Variants in HS3ST5 observed in about 807,000 individuals in gnomAD.
HS3ST5 encodes heparan sulfate-glucosamine 3-sulfotransferase 5.
In HS3ST5, 10 loss-of-function variants were observed where a neutral mutation model predicts 25.4. The observed-to-expected ratio is 0.39, with a 90% confidence interval of 0.24 to 0.67. The LOEUF is 0.67. Ranked by LOEUF, HS3ST5 falls within the 30% of genes least tolerant of loss-of-function variation. HS3ST5 has a pLI of 0.44. For synonymous variants in HS3ST5, 170 were observed against 162.4 expected (o/e 1.05, Z -0.36); for missense variants, 324 against 420.7 (o/e 0.77, Z 2.01).
Position 114,308,376 on chromosome 6 carries a change from G to A in HS3ST5, c.-339+33819C>T, listed in dbSNP as rs183637286. Among the ~76,000 whole-genome samples the A allele has an allele frequency of 6.7e-3, 1,014 of 152,202 alleles. 11 individuals carry two copies. The highest frequency in any genetic ancestry group is 0.024 in the African/African-American group (983 of 41,540). Reference sequence around the variant, plus strand: ...CGAGGCGGGCAGATCACGAGGTCAGGAGATCGAGACCGTCATGGCTAACAC... The same window carrying A: ...CGAGGCGGGCAGATCACGAGGTCAGAAGATCGAGACCGTCATGGCTAACAC... On this transcript the variant is annotated intron_variant, in intron 1 of 4. Coordinates refer to ENST00000312719, the MANE Select transcript of HS3ST5 (RefSeq NM_153612.4).
intron 3 of HS3ST5, among the ~76,000 whole-genome samples, chr6:114,103,984 A>G (rs1201031901): frequency 6.6e-6 from 1 of 151,582 alleles, no homozygotes; most frequent in Non-Finnish European, 1.5e-5. Flanking sequence ...TACAGGCGTG[A>G]GCCACTGTGC....
At chr6:114,320,020 GATA>G (rs951864968) in intron 1 of HS3ST5, among the ~76,000 whole-genome samples, 3 of 151,408 alleles carry the variant, frequency 2.0e-5, no homozygotes, top group South Asian at 2.1e-4. Flanking sequence ...AAGAAATAAG[GATA>G]ATAATAATAA....
Position 114,336,607 on chromosome 6 carries a change from A to AAAT in HS3ST5, c.-339+5585_-339+5587dup, listed in dbSNP as rs747658514. Among the ~76,000 whole-genome samples the AAAT allele has an allele frequency of 7.7e-4, 117 of 151,970 alleles. 1 individual carries two copies. The highest frequency in any genetic ancestry group is 3.4e-3 in the Middle Eastern group (1 of 290). On this transcript the variant is annotated intron_variant, in intron 1 of 4. Transcript: ENST00000312719. ...GGGTGACAGAGCGTGAGTCCAACTC[A>AAAT]AATAATAATAATAATAATAATTAAT...
chr6:114,133,947 C>T (rs928129241), intron 3 of HS3ST5, among the ~76,000 whole-genome samples: 1 of 151,872 alleles, frequency 6.6e-6, no homozygotes, highest in Non-Finnish European at 1.5e-5. Context: ...ATGTGATAGA[C>T]ACCACAGAGT....
intron 1 of HS3ST5, among the ~76,000 whole-genome samples, chr6:114,267,541 G>A (rs982969317): frequency 6.6e-6 from 1 of 152,200 alleles, no homozygotes; most frequent in African/African-American, 2.4e-5. Context: ...AGAACACAAG[G>A]CACAAGCACC....
chr6:114,298,793 C>T (rs979210147), intron 1 of HS3ST5, among the ~76,000 whole-genome samples: 2 of 152,184 alleles, frequency 1.3e-5, no homozygotes, highest in South Asian at 2.1e-4. Context: ...GTGAAGATTT[C>T]GTGGACACTT....
At chr6:114,246,258 T>C (rs1445730734) in intron 1 of HS3ST5, among the ~76,000 whole-genome samples, 3 of 152,226 alleles carry the variant, frequency 2.0e-5, no homozygotes, top group East Asian at 1.9e-4. Flanking sequence ...CACAGAGCAA[T>C]GTTCCATGAA....
At chr6:114,237,116 C>G (rs745424891) in intron 1 of HS3ST5, among the ~76,000 whole-genome samples, 4 of 152,106 alleles carry the variant, frequency 2.6e-5, no homozygotes, top group African/African-American at 4.8e-5. Context: ...TTACAACAAT[C>G]AAAGACTAAT....
chr6:114,234,326 AT>A (rs1005033591), intron 1 of HS3ST5, among the ~76,000 whole-genome samples: 1 of 149,024 alleles, frequency 6.7e-6, no homozygotes, highest in African/African-American at 2.4e-5. Flanking sequence ...TAATATATAT[AT>A]ATATGAAAAA....
intron 3 of HS3ST5, among the ~76,000 whole-genome samples, chr6:114,162,037 T>C (rs550949606): frequency 1.3e-5 from 2 of 152,272 alleles, no homozygotes; most frequent in Non-Finnish European, 1.5e-5. Context: ...CATTTTTTAG[T>C]TGAATTTTCA....
intron 1 of HS3ST5, among the ~76,000 whole-genome samples, chr6:114,303,579 G>A (rs1775173201): frequency 6.6e-6 from 1 of 151,914 alleles, no homozygotes; most frequent in African/African-American, 2.4e-5. Context: ...GGCTCTGCAG[G>A]AAGAAGAAAG....
chr6:114,131,134 A>C (rs946111572), intron 3 of HS3ST5: 3 of 152,264 alleles, frequency 2.0e-5, no homozygotes, highest in Admixed American at 6.5e-5. Context: ...CTAACTTTGC[A>C]GATGCATCAA....
At chr6:114,206,655 G>T (rs1781287898) in intron 2 of HS3ST5, among the ~76,000 whole-genome samples, 1 of 151,918 alleles carries the variant, frequency 6.6e-6, no homozygotes, top group Admixed American at 6.6e-5. Context: ...ATACTGTGAG[G>T]GTTGAATAAG....
chr6:114,267,597 T>C (rs1448882605), intron 1 of HS3ST5, among the ~76,000 whole-genome samples: 1 of 147,362 alleles, frequency 6.8e-6, no homozygotes, highest in Non-Finnish European at 1.5e-5. Flanking sequence ...AGAGTTGGAG[T>C]ACTTACTTCT....
At chr6:114,084,336 A>T (rs1774646691) in intron 3 of HS3ST5, 1 of 760,868 alleles carries the variant, frequency 1.3e-6, no homozygotes, top group African/African-American at 1.7e-5. Context: ...CAGGCTGAGT[A>T]GCAGTGAACT....
chr6:114,115,432 A>G (rs544709003), intron 3 of HS3ST5, among the ~76,000 whole-genome samples: 2 of 152,230 alleles, frequency 1.3e-5, no homozygotes, highest in East Asian at 3.9e-4. Context: ...AGTCTCTGTT[A>G]GCTTGGTCTA....
intron 1 of HS3ST5, among the ~76,000 whole-genome samples, chr6:114,249,539 T>C (rs1000051471): frequency 2.0e-5 from 3 of 152,190 alleles, no homozygotes; most frequent in African/African-American, 7.2e-5. Flanking sequence ...GGAGCTAATT[T>C]CCTCAAGTGC....
At chr6:114,136,257 T>C (rs911398100) in intron 3 of HS3ST5, among the ~76,000 whole-genome samples, 4 of 152,172 alleles carry the variant, frequency 2.6e-5, no homozygotes, top group Admixed American at 2.6e-4. Flanking sequence ...GTGGGAGTAA[T>C]TAAATCATGG....
intron 3 of HS3ST5, among the ~76,000 whole-genome samples, chr6:114,141,911 G>T (rs1263897102): frequency 6.8e-6 from 1 of 147,120 alleles, no homozygotes; most frequent in Admixed American, 6.8e-5. Flanking sequence ...TGTGTATTTT[G>T]CATACAAGCC....
Sources: allele counts gnomAD v4.1 joint callset (sites outside exome capture counted in the v4.1 genomes callset), GRCh38; gene constraint gnomAD v4.1.1; transcripts MANE v1.5; gene names NCBI Gene and HGNC (gene_info 2026-07-23, HGNC 2026-07-21).